CCNY: variants seen among roughly 807,000 people sequenced by gnomAD.
CCNY encodes cyclin Y.
CCNY carries 19 observed loss-of-function variants against 42.8 expected under a neutral mutation model. The ratio of observed to expected loss-of-function variants is 0.44; its 90% confidence interval spans 0.31 to 0.65. The LOEUF is 0.65. CCNY is among the 30% of genes least tolerant of loss of function. The probability of loss-of-function intolerance (pLI) is 0.07; values close to 1 mark genes in which losing one functional copy is unlikely to be tolerated. For missense variants in CCNY, 370 were observed against 437.3 expected (o/e 0.85, Z 1.37); for synonymous variants, 165 against 162.7 (o/e 1.01, Z -0.11).
intron 1 of CCNY, among the ~76,000 whole-genome samples, chr10:35,443,966 G>T (rs1054684028): frequency 6.7e-6 from 1 of 148,210 alleles, no homozygotes; most frequent in Non-Finnish European, 1.5e-5. Context: ...CAGCCATAGG[G>T]TGGACGTGTC....
Position 35,530,891 on chromosome 10 carries a change from G to C in CCNY, c.579+648G>C, listed in dbSNP as rs1039965375. 3.9e-5 allele frequency among the ~76,000 whole-genome samples: 6 copies of C among 152,128 alleles called. No homozygotes were observed. Among genetic ancestry groups the C allele is most frequent in the Non-Finnish European group, 8.8e-5 (6 of 68,018 alleles). On this transcript the variant is annotated intron_variant, in intron 7 of 9. Transcript: ENST00000374704. This position sits in a 1 kb window ranked among gnomAD's most constrained non-coding sequence, Gnocchi z 4.3. ...GTTTGAGACCAGTCTGGACAACATA[G>C]TGAAACCCCGACTCTACAAAATTTA...
chr10:35,394,375 T>C (rs1309246189), intron 1 of CCNY, among the ~76,000 whole-genome samples: 1 of 152,264 alleles, frequency 6.6e-6, no homozygotes, highest in Non-Finnish European at 1.5e-5. Context: ...TGCATTTTTC[T>C]TTAAAAGAAT....
chr10:35,404,303 T>G (rs1293607699), intron 1 of CCNY, among the ~76,000 whole-genome samples: 3 of 152,158 alleles, frequency 2.0e-5, no homozygotes, highest in African/African-American at 4.8e-5. Flanking sequence ...GGTTCTTGTG[T>G]AAGAATTCTG....
intron 1 of CCNY, among the ~76,000 whole-genome samples, chr10:35,465,871 T>C (rs1458446137): frequency 6.6e-6 from 1 of 150,948 alleles, no homozygotes; most frequent in Non-Finnish European, 1.5e-5. Context: ...TACTGCATTC[T>C]GCCTTGCTTC....
At chr10:35,379,159 C>T (rs1048900402) in intron 1 of CCNY, among the ~76,000 whole-genome samples, 6 of 152,162 alleles carry the variant, frequency 3.9e-5, no homozygotes, top group African/African-American at 1.4e-4. Context: ...GTGAATTATT[C>T]ACATAGTAAA....
At chr10:35,406,380 T>G (rs1837772021) in intron 1 of CCNY, among the ~76,000 whole-genome samples, 1 of 151,908 alleles carries the variant, frequency 6.6e-6, no homozygotes, top group Admixed American at 6.6e-5. Flanking sequence ...CCTGTGGCCT[T>G]CCGCAGTGTT....
Position 35,337,178 on chromosome 10 carries a change from A to T in CCNY, c.125A>T (p.Gln42Leu). ...LSREDTGCNL[Q>L]HISDRENIDD... ...CGCGAGGACACGGGCTGCAACCTGC[A>T]GCACATCAGCGACCGGGAGAACATA... is the stretch of plus-strand genomic sequence containing the variant. Residue 42 changes from glutamine to leucine, a missense_variant, in exon 1 of 10, where the codon CAG (glutamine) becomes CTG (leucine). Transcript: ENST00000374704. 6.4e-7 allele frequency: 1 copy of T among 1,568,846 alleles called. No homozygotes were observed. Among genetic ancestry groups the T allele is most frequent in the Non-Finnish European group, 8.6e-7 (1 of 1,159,278 alleles).
chr10:35,358,258 T>C (rs1457027354), intron 1 of CCNY, among the ~76,000 whole-genome samples: 1 of 151,836 alleles, frequency 6.6e-6, no homozygotes, highest in Non-Finnish European at 1.5e-5. Context: ...TCTTGCTGTT[T>C]CTGTGAAATC....
In CCNY at chr10:35,337,029, A is replaced by G. The variant is rs148673435; in HGVS notation, c.-25A>G. 15 of 1,534,214 alleles carry G rather than the reference A, an allele frequency of 9.8e-6. No homozygotes were observed. Among genetic ancestry groups the G allele is most frequent in the Non-Finnish European group, 1.3e-5 (15 of 1,138,454 alleles). On this transcript the variant is annotated 5_prime_UTR_variant, in exon 1 of 10. Transcript: ENST00000374704. ...CCGGGGACTGGGAGAACAGGATAGC[A>G]GCAGGAGTCGGGGGGCCGCCGAAGA... is the stretch of plus-strand genomic sequence containing the variant.
chr10:35,501,611 A>C, intron 3 of CCNY, 76 bp downstream of exon 3: 1 of 1,269,484 alleles, frequency 7.9e-7, no homozygotes, highest in South Asian at 1.2e-5. Context: ...TCTGTGATGG[A>C]TGAAAATGGC....
At chr10:35,564,168 C>T (rs1379924495) in intron 8 of CCNY, among the ~76,000 whole-genome samples, 1 of 105,012 alleles carries the variant, frequency 9.5e-6, no homozygotes, top group Non-Finnish European at 1.9e-5. Context: ...GTGTGAGTGA[C>T]CACACCCAGC....
At chr10:35,308,599 C>A (rs1473898799) in intron 3 of CCNY, among the ~76,000 whole-genome samples, 1 of 151,784 alleles carries the variant, frequency 6.6e-6, no homozygotes, top group Non-Finnish European at 1.5e-5. Flanking sequence ...AGAGAGGGAG[C>A]CTGGAAGAGG....
chr10:35,386,658 C>T (rs1047992741), intron 1 of CCNY, among the ~76,000 whole-genome samples: 4 of 152,052 alleles, frequency 2.6e-5, no homozygotes, highest in East Asian at 1.9e-4. Flanking sequence ...TTGCAGTGTA[C>T]GGCCTTCCAA....
intron 3 of CCNY, among the ~76,000 whole-genome samples, chr10:35,269,660 A>T (rs1835138536): frequency 7.9e-6 from 1 of 126,138 alleles, no homozygotes. Flanking sequence ...ATGGAGTCTC[A>T]CTCTGTCACC....
chr10:35,264,575 AT>A (rs1164711228), intron 3 of CCNY, among the ~76,000 whole-genome samples: 3 of 150,896 alleles, frequency 2.0e-5, no homozygotes, highest in Admixed American at 1.3e-4. Flanking sequence ...AGTATTGTTG[AT>A]TTTTTTTTCA....
intron 1 of CCNY, among the ~76,000 whole-genome samples, chr10:35,358,391 CAA>C (rs970250841): frequency 1.3e-5 from 2 of 152,140 alleles, no homozygotes; most frequent in Non-Finnish European, 2.9e-5. Context: ...GAGAATCACA[CAA>C]GAGAGTAGAA....
At chr10:35,373,813 G>A (rs545112729) in intron 1 of CCNY, among the ~76,000 whole-genome samples, 8 of 152,294 alleles carry the variant, frequency 5.3e-5, no homozygotes, top group African/African-American at 1.9e-4. Context: ...GCAGTCAACA[G>A]GAGGCTATTA....
At chr10:35,448,379 C>T (rs1838838446) in intron 1 of CCNY, among the ~76,000 whole-genome samples, 1 of 152,084 alleles carries the variant, frequency 6.6e-6, no homozygotes, top group Non-Finnish European at 1.5e-5. Context: ...ATGCGAATTC[C>T]CATTACTTGC....
intron 3 of CCNY, among the ~76,000 whole-genome samples, chr10:35,508,624 T>C (rs1261268964): frequency 1.3e-5 from 2 of 152,196 alleles, no homozygotes; most frequent in Admixed American, 6.5e-5. Flanking sequence ...GAAACAGACA[T>C]TTCAGAAATC....
Sources: allele counts gnomAD v4.1 joint callset (sites outside exome capture counted in the v4.1 genomes callset), GRCh38; gene constraint gnomAD v4.1.1; non-coding constraint Gnocchi (gnomAD v3.1); transcripts MANE v1.5; gene names NCBI Gene and HGNC (gene_info 2026-07-23, HGNC 2026-07-21).